Variants in CFDP1 observed in about 807,000 individuals in gnomAD.
The protein encoded by CFDP1 is heterochromatin-stabilizing protein CFDP1.
Under a neutral mutation model 40.1 loss-of-function variants are expected in CFDP1, and 31 were observed. The ratio of observed to expected loss-of-function variants is 0.77; its 90% CI spans 0.58 to 1.04. CFDP1 has a LOEUF of 1.04. Among genes scored for constraint, CFDP1 ranks in the 50% least tolerant of loss-of-function variants. The probability of loss-of-function intolerance (pLI) is 0.00; values close to 1 mark genes in which losing one functional copy is unlikely to be tolerated. For synonymous variants in CFDP1, 167 were observed against 120.0 expected (o/e 1.39, Z -2.56); for missense variants, 423 against 343.4 (o/e 1.23, Z -1.83).
chr16:75,308,539 T>C (rs2078273215), intron 5 of CFDP1, among the ~76,000 whole-genome samples: 1 of 152,234 alleles, frequency 6.6e-6, no homozygotes, highest in Non-Finnish European at 1.5e-5. Context: ...TAGAGTTCTG[T>C]GAACAGTGAG....
At chr16:75,319,334 G>A (rs1200348963) in intron 5 of CFDP1, among the ~76,000 whole-genome samples, 2 of 152,102 alleles carry the variant, frequency 1.3e-5, no homozygotes, top group Non-Finnish European at 2.9e-5. Context: ...GAGCCACCAC[G>A]CCCAGCCCCA....
At chr16:75,399,260 A>G (rs1014372151) in intron 4 of CFDP1, among the ~76,000 whole-genome samples, 4 of 152,144 alleles carry the variant, frequency 2.6e-5, no homozygotes, top group Non-Finnish European at 5.9e-5. Context: ...TGTAAAAATA[A>G]CCAAAATAAA....
At chr16:75,362,403 C>T (rs1431397791) in intron 5 of CFDP1, among the ~76,000 whole-genome samples, 1 of 152,176 alleles carries the variant, frequency 6.6e-6, no homozygotes, top group Non-Finnish European at 1.5e-5. Flanking sequence ...GTCAACCTCC[C>T]GTCTTCCAGG....
chr16:75,299,526 C>T (rs986356623), intron 6 of CFDP1, among the ~76,000 whole-genome samples: 2 of 151,080 alleles, frequency 1.3e-5, no homozygotes, highest in Non-Finnish European at 2.9e-5. Flanking sequence ...ACCCGGGAGG[C>T]GGAGTTTGCA....
At chr16:75,333,616 G>T (rs961402650) in intron 5 of CFDP1, among the ~76,000 whole-genome samples, 1 of 152,144 alleles carries the variant, frequency 6.6e-6, no homozygotes, top group African/African-American at 2.4e-5. Context: ...CTTATTGCAG[G>T]CTAAATTTTA....
intron 1 of CFDP1, among the ~76,000 whole-genome samples, chr16:75,425,897 G>T (rs1200832803): frequency 1.3e-5 from 2 of 151,138 alleles, no homozygotes; most frequent in African/African-American, 4.9e-5. Context: ...TTAGCCAGGC[G>T]TGGTGGCAGG....
intron 5 of CFDP1, among the ~76,000 whole-genome samples, chr16:75,337,200 A>G (rs1032537020): frequency 1.3e-5 from 2 of 152,252 alleles, no homozygotes; most frequent in East Asian, 3.8e-4. Flanking sequence ...GAAAGGGAGA[A>G]GACAGCAATG....
At chr16:75,371,023 G>C (rs2078747570) in intron 5 of CFDP1, among the ~76,000 whole-genome samples, 1 of 152,160 alleles carries the variant, frequency 6.6e-6, no homozygotes, top group African/African-American at 2.4e-5. Flanking sequence ...ACTGTGCCAA[G>C]TGCAGAAAAA....
At chr16:75,398,257 T>C (rs540517651) in intron 4 of CFDP1, among the ~76,000 whole-genome samples, 1 of 152,254 alleles carries the variant, frequency 6.6e-6, no homozygotes, top group African/African-American at 2.4e-5. Context: ...AAATATAAGG[T>C]TGCGTTACTT....
At chr16:75,374,313 T>C (rs974739055) in intron 5 of CFDP1, among the ~76,000 whole-genome samples, 2 of 152,024 alleles carry the variant, frequency 1.3e-5, no homozygotes, top group Non-Finnish European at 2.9e-5. Context: ...ATCAGATAAA[T>C]GTATAGGCAA....
At chr16:75,367,533 C>T (rs535261384) in intron 5 of CFDP1, among the ~76,000 whole-genome samples, 1 of 151,912 alleles carries the variant, frequency 6.6e-6, no homozygotes, top group South Asian at 2.1e-4. Context: ...TGGCTCCCAT[C>T]TGTAATCCCA....
intron 5 of CFDP1, among the ~76,000 whole-genome samples, chr16:75,349,682 A>ATATATATATATATATATATATATATATAT (rs60815655): frequency 1.4e-4 from 1 of 7,402 alleles, no homozygotes; most frequent in African/African-American, 4.0e-4. Flanking sequence ...AAAAAAAAAA[A>ATATATATATATATATATATATATATATAT]AAAAAAAAAT....
chr16:75,365,839 C>T (rs2078709824), intron 5 of CFDP1, among the ~76,000 whole-genome samples: 1 of 152,166 alleles, frequency 6.6e-6, no homozygotes, highest in Non-Finnish European at 1.5e-5. Context: ...AAATTAAATA[C>T]AATGAAGTAC....
At chr16:75,298,442 G>C (rs1392724651) in intron 6 of CFDP1, among the ~76,000 whole-genome samples, 1 of 152,308 alleles carries the variant, frequency 6.6e-6, no homozygotes, top group South Asian at 2.1e-4. Flanking sequence ...GGAAACCTGA[G>C]GCAGTCACTG....
intron 4 of CFDP1, among the ~76,000 whole-genome samples, chr16:75,411,497 T>G (rs1021737668): frequency 1.3e-5 from 2 of 152,216 alleles, no homozygotes; most frequent in Non-Finnish European, 2.9e-5. Context: ...GGGGCTCATA[T>G]TGCAGTCAAG....
At chr16:75,318,408 C>CTTTTTTTTT (rs11437738) in intron 5 of CFDP1, among the ~76,000 whole-genome samples, 2 of 138,516 alleles carry the variant, frequency 1.4e-5, no homozygotes, top group South Asian at 2.3e-4. Flanking sequence ...TTCTTTCTTT[C>CTTTTTTTTT]TTTTTTTTTT....
Position 75,293,946 on chromosome 16 carries a change from G to T in CFDP1, c.*6C>A. 1 of 1,612,092 alleles carries T rather than the reference G, an allele frequency of 6.2e-7. No individual in the cohort carries two copies. Among genetic ancestry groups the T allele is most frequent in the South Asian group, 1.1e-5 (1 of 91,042 alleles). On this transcript the variant is annotated 3_prime_UTR_variant, in exon 7 of 7. Transcript: ENST00000283882. Reference sequence around the variant, plus strand: ...GATTAAGCTGCTCTTGATTTAGCCCGTAACATCAAGGTTTCATTTTGCTCA... The same window carrying T: ...GATTAAGCTGCTCTTGATTTAGCCCTTAACATCAAGGTTTCATTTTGCTCA...
At chr16:75,401,892 A>G (rs2151572129) in intron 4 of CFDP1, among the ~76,000 whole-genome samples, 1 of 152,350 alleles carries the variant, frequency 6.6e-6, no homozygotes, top group South Asian at 2.1e-4. Context: ...AGGAGCTCAC[A>G]GTTCAGCAGA....
chr16:75,307,159 C>A (rs1428935999), intron 5 of CFDP1, among the ~76,000 whole-genome samples: 2 of 152,152 alleles, frequency 1.3e-5, no homozygotes, highest in African/African-American at 4.8e-5. Context: ...TTCCAAAACA[C>A]AAAGCTTAGC....
Sources: gnomAD v4.1 joint callset for allele counts (sites outside exome capture counted in the v4.1 genomes callset) on GRCh38, gnomAD v4.1.1 for gene constraint, MANE v1.5 for transcripts, NCBI Gene and HGNC (gene_info 2026-07-23, HGNC 2026-07-21) for gene names.